Variants in DHRS7B observed in about 807,000 individuals in gnomAD.
The protein encoded by DHRS7B is dehydrogenase/reductase 7B, also known as peroxisomal reductase activating PPAR-gamma.
A neutral mutation model predicts 26.4 loss-of-function variants in DHRS7B; 24 were observed. The ratio of observed to expected loss-of-function variants is 0.91; its 90% CI spans 0.66 to 1.28. The LOEUF is 1.28. Among genes scored for constraint, DHRS7B ranks in the 50% most tolerant of loss-of-function variants. The pLI is 0.00. For synonymous variants in DHRS7B, 142 were observed against 166.4 expected (o/e 0.85, Z 1.13); for missense variants, 368 against 419.4 (o/e 0.88, Z 1.07).
At chr17:21,137,389 CG>C (rs896531822) in intron 1 of DHRS7B, among the ~76,000 whole-genome samples, 3 of 151,334 alleles carry the variant, frequency 2.0e-5, no homozygotes, top group African/African-American at 7.3e-5. Flanking sequence ...CTCCACTTAC[CG>C]GGTTCACACC....
intron 1 of DHRS7B, among the ~76,000 whole-genome samples, chr17:21,138,382 C>T (rs1398380969): frequency 6.6e-6 from 1 of 151,036 alleles, no homozygotes; most frequent in Non-Finnish European, 1.5e-5. Context: ...CACCACCATG[C>T]CCCACTAATT....
intron 2 of DHRS7B, among the ~76,000 whole-genome samples, chr17:21,172,828 A>G (rs1019403366): frequency 6.6e-6 from 1 of 152,174 alleles, no homozygotes; most frequent in Non-Finnish European, 1.5e-5. Flanking sequence ...GTGTACCGGG[A>G]CCCTGGCCTG....
chr17:21,180,682 G>T (rs528182941), intron 3 of DHRS7B, among the ~76,000 whole-genome samples: 33 of 152,212 alleles, frequency 2.2e-4, no homozygotes, highest in African/African-American at 6.3e-4. Context: ...GGGTAGGAAG[G>T]GGGAGGCAAG....
intron 1 of DHRS7B, among the ~76,000 whole-genome samples, chr17:21,145,371 A>G (rs1340258973): frequency 1.3e-5 from 2 of 152,166 alleles, no homozygotes; most frequent in Non-Finnish European, 2.9e-5. Context: ...TATAGTACTT[A>G]ATGGAGTGCT....
At chr17:21,190,052 G>A (rs10445415) in intron 6 of DHRS7B, among the ~76,000 whole-genome samples, 62 of 152,238 alleles carry the variant, frequency 4.1e-4, no homozygotes, top group African/African-American at 1.1e-3. Context: ...CTGTAGTCTA[G>A]CTACTCAGGA....
At chr17:21,134,346 C>G (rs1973298647) in intron 1 of DHRS7B, among the ~76,000 whole-genome samples, 1 of 152,114 alleles carries the variant, frequency 6.6e-6, no homozygotes, top group African/African-American at 2.4e-5. Context: ...GGAGGAATCT[C>G]AGATAAGACT....
intron 3 of DHRS7B, among the ~76,000 whole-genome samples, chr17:21,183,161 C>T (rs888150421): frequency 6.6e-6 from 1 of 152,102 alleles, no homozygotes; most frequent in Non-Finnish European, 1.5e-5. Context: ...GTTTTTCTAA[C>T]TTGTTGGCAA....
intron 1 of DHRS7B, among the ~76,000 whole-genome samples, chr17:21,129,682 G>A (rs1318290997): frequency 1.5e-5 from 2 of 134,508 alleles, no homozygotes; most frequent in Non-Finnish European, 3.1e-5. Context: ...TCCAGCCTGG[G>A]CAGCAGAGTA....
chr17:21,169,951 GACCT>G (rs1393051766), intron 1 of DHRS7B, among the ~76,000 whole-genome samples: 1 of 152,042 alleles, frequency 6.6e-6, no homozygotes, highest in Non-Finnish European at 1.5e-5. Flanking sequence ...CCTACCCTGA[GACCT>G]ACCTGGTACA....
chr17:21,173,973 C>T (rs576925799), intron 2 of DHRS7B, among the ~76,000 whole-genome samples: 36 of 152,278 alleles, frequency 2.4e-4, no homozygotes, highest in Admixed American at 1.3e-3. Flanking sequence ...GAAAATGTCA[C>T]GGAGGTCACC....
At chr17:21,175,616 C>A (rs866309673) in intron 2 of DHRS7B, among the ~76,000 whole-genome samples, 12 of 152,314 alleles carry the variant, frequency 7.9e-5, no homozygotes, top group Middle Eastern at 3.4e-3. Context: ...GGAGACTATG[C>A]CTCAGGTGAG....
intron 1 of DHRS7B, among the ~76,000 whole-genome samples, chr17:21,140,522 A>ACACACACG: frequency 6.7e-6 from 1 of 150,154 alleles, no homozygotes; most frequent in Non-Finnish European, 1.5e-5. Context: ...ACACACACAC[A>ACACACACG]CACACACACA....
At chr17:21,171,651 C>T (rs757542310) in intron 1 of DHRS7B, 1 of 347,902 alleles carries the variant, frequency 2.9e-6, no homozygotes, top group Non-Finnish European at 5.5e-6. Flanking sequence ...TGAAAACAGG[C>T]ATTACTTGAG....
chr17:21,187,112 T>TATAA (rs1283365408), intron 5 of DHRS7B, among the ~76,000 whole-genome samples: 4 of 146,702 alleles, frequency 2.7e-5, no homozygotes, highest in Admixed American at 6.8e-5. Context: ...TATATATATA[T>TATAA]AAAATATATA....
chr17:21,178,507 A>G (rs2279163), intron 3 of DHRS7B, among the ~76,000 whole-genome samples, 165 bp downstream of exon 3: 134,925 of 152,186 alleles, frequency 0.89, 60,097 homozygotes, highest in African/African-American at 0.94. Context: ...CCCACTGCAT[A>G]GGGAGAGAGA....
intron 1 of DHRS7B, among the ~76,000 whole-genome samples, chr17:21,135,699 CT>C (rs1339951102): frequency 3.9e-5 from 6 of 152,032 alleles, no homozygotes; most frequent in African/African-American, 1.2e-4. Context: ...CTTTTATAAC[CT>C]TTATTAAGGA....
intron 1 of DHRS7B, among the ~76,000 whole-genome samples, chr17:21,138,097 T>TCAC (rs1973396926): frequency 2.3e-5 from 2 of 87,606 alleles, no homozygotes; most frequent in South Asian, 9.1e-4. Context: ...TATATATATA[T>TCAC]ATATACACAC....
intron 1 of DHRS7B, among the ~76,000 whole-genome samples, chr17:21,138,211 C>CTTCTTTTT (rs1422122592): frequency 1.3e-5 from 1 of 78,224 alleles, no homozygotes; most frequent in African/African-American, 5.9e-5. Flanking sequence ...ATCCCTCCTT[C>CTTCTTTTT]TTTTTTTTTT....
intron 1 of DHRS7B, among the ~76,000 whole-genome samples, chr17:21,154,011 T>G (rs968883768): frequency 6.6e-6 from 1 of 151,974 alleles, no homozygotes; most frequent in Non-Finnish European, 1.5e-5. Flanking sequence ...GGAGGAGAGA[T>G]AAGAATTACA....
Sources: allele counts gnomAD v4.1 joint callset (sites outside exome capture counted in the v4.1 genomes callset), GRCh38; gene constraint gnomAD v4.1.1; transcripts MANE v1.5; gene names NCBI Gene and HGNC (gene_info 2026-07-23, HGNC 2026-07-21).